ADRA1A: variants seen among roughly 807,000 people sequenced by gnomAD.
ADRA1A encodes the protein adrenoceptor alpha 1A.
A neutral mutation model predicts 29.6 loss-of-function variants in ADRA1A; 31 were observed. The ratio of observed to expected loss-of-function variants is 1.05; its 90% confidence interval spans 0.79 to 1.41. The LOEUF is 1.41. Ranked by LOEUF, ADRA1A falls within the 40% of genes most tolerant of loss-of-function variation. The pLI is 0.00. For synonymous variants in ADRA1A, 311 were observed against 254.3 expected (o/e 1.22, Z -2.12); for missense variants, 619 against 601.1 (o/e 1.03, Z -0.31).
rs530815974 is a variant in ADRA1A at position 26,821,776 on chromosome 8, T to C, written c.883+42311A>G. On this transcript the variant is annotated intron_variant, in intron 2 of 2. Coordinates refer to ENST00000380573, the MANE Select transcript of ADRA1A (RefSeq NM_000680.4). The surrounding 1 kb of genome is among the most constrained non-coding windows in gnomAD (Gnocchi z 5.6). ...TCTGCCCCACCCCGATCTTCACTCC[T>C]GGAAATCACTAATCTGTTCTCTATT... Among the ~76,000 whole-genome samples, 10 of 152,200 alleles carry C rather than the reference T, an allele frequency of 6.6e-5. No homozygotes were observed. The highest frequency in any genetic ancestry group is 8.8e-5 in the Non-Finnish European group (6 of 68,030).
chr8:26,863,510 AT>A (rs200968352), intron 2 of ADRA1A, among the ~76,000 whole-genome samples: 2 of 151,530 alleles, frequency 1.3e-5, no homozygotes, highest in Non-Finnish European at 2.9e-5. Context: ...ACATAAAATC[AT>A]TTTTTTTTCT....
downstream of ADRA1A, chr8:26,768,764 A>T (rs1805931447): frequency 2.4e-6 from 1 of 408,646 alleles, no homozygotes; most frequent in Admixed American, 6.4e-5. Context: ...TGTAATCTGA[A>T]ACACTTCTGG....
At chr8:26,854,120 G>T (rs1230637979) in intron 2 of ADRA1A, 2 of 152,158 alleles carry the variant, frequency 1.3e-5, no homozygotes, top group East Asian at 3.9e-4. Context: ...ACAAGGAAGA[G>T]GAAAGACTTC....
chr8:26,757,233 A>G (rs544192482), intron 2 of ADRA1A: 1 of 684,920 alleles, frequency 1.5e-6, no homozygotes, highest in South Asian at 1.5e-5. Context: ...CTGAGTCACG[A>G]GAGACCATTT....
Position 26,864,687 on chromosome 8 carries a change from C to G in ADRA1A, c.283G>C (p.Gly95Arg). Residue 95 changes from glycine to arginine, a missense_variant, in exon 2 of 3, where the codon GGC becomes CGC. Transcript: ENST00000380573. The surrounding 1 kb of genome is among the most constrained non-coding windows in gnomAD (Gnocchi z 8.1). Reference sequence around the variant, plus strand: ...GCCCAGATGTTGCAGAAGACCCTGCCGAAGGCCCAGTAGCCTAGGACCTCG... The same window carrying G: ...GCCCAGATGTTGCAGAAGACCCTGCGGAAGGCCCAGTAGCCTAGGACCTCG... ...IFEVLGYWAFGRVFCNIWAAV... is the reference protein window; with the variant it reads ...IFEVLGYWAFRRVFCNIWAAV... The G allele has an allele frequency of 1.2e-6, 2 of 1,614,118 alleles. No homozygotes were observed. Among genetic ancestry groups the G allele is most frequent in the South Asian group, 1.1e-5 (1 of 91,074 alleles).
At chr8:26,754,824 T>G (rs1165833352), downstream of ADRA1A, among the ~76,000 whole-genome samples, 2 of 152,168 alleles carry the variant, frequency 1.3e-5, no homozygotes, top group East Asian at 1.9e-4. Context: ...TTGCTTTCAT[T>G]TCCCCCCTGC....
rs532913042 is a variant in ADRA1A at position 26,866,164 on chromosome 8, T to C, written c.-686-509A>G. Among the ~76,000 whole-genome samples, 67 of 152,142 alleles carry C rather than the reference T, an allele frequency of 4.4e-4. No homozygotes were observed. The highest frequency in any genetic ancestry group is 1.4e-3 in the African/African-American group (60 of 41,476). Reference sequence around the variant, plus strand: ...CTCAGGGCCAGGACCACGAGCACGCTCACTCTCACGCCGGTGGAATTCGCA... The same window carrying C: ...CTCAGGGCCAGGACCACGAGCACGCCCACTCTCACGCCGGTGGAATTCGCA... On this transcript the variant is annotated intron_variant, in intron 1 of 2. Coordinates refer to ENST00000380573, the MANE Select transcript of ADRA1A (RefSeq NM_000680.4). The surrounding 1 kb of genome is among the most constrained non-coding windows in gnomAD (Gnocchi z 5.7).
downstream of ADRA1A, among the ~76,000 whole-genome samples, chr8:26,764,272 C>T (rs28722655): frequency 1.3e-5 from 2 of 151,978 alleles, no homozygotes; most frequent in Admixed American, 6.5e-5. Context: ...TTACATGTCA[C>T]CCTGTGGAGC....
rs1188044160 is a variant in ADRA1A, at chr8:26,769,442, G to C, written c.*707C>G. The C allele has an allele frequency of 2.0e-6, 2 of 985,250 alleles. No individual in the cohort carries two copies. The highest frequency in any genetic ancestry group is 2.4e-6 in the Non-Finnish European group (2 of 829,936). The allele number at this position is 985,250 out of a possible 1,614,324, so 61.0% of individuals were successfully genotyped here. A position where few individuals can be genotyped will look rare whatever the true frequency, so the allele number is the denominator to read the frequency against. On this transcript the variant is annotated 3_prime_UTR_variant, in exon 3 of 3. Transcript: ENST00000380573. ...TCTTGGGAAAAGCCATACCACCCTG[G>C]TTGGTTCTTTCAACCCTCTCCTGAC... is the stretch of plus-strand genomic sequence containing the variant.
intron 2 of ADRA1A, among the ~76,000 whole-genome samples, chr8:26,807,100 T>A (rs1809051595): frequency 1.3e-5 from 2 of 152,238 alleles, no homozygotes; most frequent in African/African-American, 4.8e-5. Flanking sequence ...AGAAGCCTTG[T>A]AATACTTTTC....
rs376234446 is a variant in ADRA1A, at chr8:26,810,711, C to T, written c.884-40045G>A. ...TGGACTCATTTTTTCAGGTCTCACT[C>T]TTCAACCTCAGCATGCCCACTCCCA... is the stretch of plus-strand genomic sequence containing the variant. On this transcript the variant is annotated intron_variant, in intron 2 of 2. Transcript: ENST00000380573. Among the ~76,000 whole-genome samples the T allele has an allele frequency of 6.6e-5, 10 of 152,186 alleles. No homozygotes were observed. The East Asian group carries it at 1.9e-3, about 29-fold the overall frequency.
intron 2 of ADRA1A, among the ~76,000 whole-genome samples, chr8:26,853,528 G>A (rs1004340787): frequency 1.3e-5 from 2 of 152,180 alleles, no homozygotes; most frequent in Non-Finnish European, 2.9e-5. Context: ...CTAGAGCAGA[G>A]AGACAGATAA....
chr8:26,766,381 A>G (rs1805789889), downstream of ADRA1A, among the ~76,000 whole-genome samples: 1 of 152,150 alleles, frequency 6.6e-6, no homozygotes, highest in Admixed American at 6.5e-5. Context: ...ATCTTCCCCC[A>G]GCGTGCCATA....
At chr8:26,773,907 C>T (rs1427724774) in intron 2 of ADRA1A, among the ~76,000 whole-genome samples, 1 of 152,184 alleles carries the variant, frequency 6.6e-6, no homozygotes, top group Non-Finnish European at 1.5e-5. Flanking sequence ...GCCTCCCCCT[C>T]TCTGTACCCC....
At chr8:26,828,641 A>G (rs558069557) in intron 2 of ADRA1A, among the ~76,000 whole-genome samples, 16 of 152,346 alleles carry the variant, frequency 1.1e-4, no homozygotes, top group African/African-American at 3.4e-4. Flanking sequence ...TTTCTGTGAT[A>G]CTGGCATTCG....
intron 2 of ADRA1A, among the ~76,000 whole-genome samples, chr8:26,828,046 AC>A (rs1810708332): frequency 1.3e-5 from 2 of 151,962 alleles, no homozygotes; most frequent in African/African-American, 4.8e-5. Context: ...GGCATGTGCC[AC>A]CATGCCTGGA....
chr8:26,776,706 G>A (rs1420221390), intron 2 of ADRA1A, among the ~76,000 whole-genome samples: 1 of 152,112 alleles, frequency 6.6e-6, no homozygotes, highest in Non-Finnish European at 1.5e-5. Flanking sequence ...AGAAGAGAGG[G>A]GAGTAGTATC....
At chr8:26,756,937 G>A (rs1805201573) in intron 2 of ADRA1A, 2 of 1,167,636 alleles carry the variant, frequency 1.7e-6, no homozygotes, top group Non-Finnish European at 2.4e-6. Flanking sequence ...CTTCAGTAGA[G>A]CGGGTTCTCA....
chr8:26,751,061 C>A (rs1226783751), intron 2 of ADRA1A, among the ~76,000 whole-genome samples: 1 of 129,040 alleles, frequency 7.7e-6, no homozygotes, highest in Non-Finnish European at 1.6e-5. Context: ...AAGAGCAAAA[C>A]TCTGTCTCAA....
Sources: gnomAD v4.1 joint callset for allele counts (sites outside exome capture counted in the v4.1 genomes callset) on GRCh38, gnomAD v4.1.1 for gene constraint, Gnocchi (gnomAD v3.1) non-coding constraint, MANE v1.5 for transcripts, NCBI Gene and HGNC (gene_info 2026-07-23, HGNC 2026-07-21) for gene names.